The following TENM4 variants were observed in gnomAD, a reference collection of about 807,000 sequenced individuals.
The protein encoded by TENM4 is teneurin-4.
TENM4 carries 82 observed loss-of-function variants against 243.3 expected under a neutral mutation model. The observed-to-expected ratio is 0.34, with a 90% CI of 0.28 to 0.40. The LOEUF (loss-of-function observed/expected upper bound fraction) is 0.40. Ranked by LOEUF, TENM4 falls within the 10% of genes least tolerant of loss-of-function variation. The pLI is 1.00. For synonymous variants in TENM4, 1,412 were observed against 1,456.3 expected (o/e 0.97, Z 0.69); for missense variants, 3,138 against 3,673.3 (o/e 0.85, Z 3.77).
chr11:79,265,136 T>C (rs1855861956), intron 2 of TENM4, among the ~76,000 whole-genome samples: 1 of 152,160 alleles, frequency 6.6e-6, no homozygotes, highest in African/African-American at 2.4e-5. Context: ...AACTGACAGA[T>C]CTCAGTTCCT....
At chr11:78,891,471 G>A (rs1410898204) in intron 7 of TENM4, 135 bp from the exon 8 acceptor site, 2 of 749,924 alleles carry the variant, frequency 2.7e-6, no homozygotes, top group African/African-American at 1.7e-5. Context: ...CAGGCAATGG[G>A]TCAGTGTGCA....
Position 78,805,277 on chromosome 11 carries a change from T to TG in TENM4, c.2179+14_2179+15insC. Reference sequence around the variant, plus strand: ...CCCCTCCCTCTACCCATGCTTCTTCTCCCCCTGCATTTACCGATAGAACAG... The same window carrying TG: ...CCCCTCCCTCTACCCATGCTTCTTCTGCCCCCTGCATTTACCGATAGAACAG... On this transcript the variant is annotated intron_variant, in intron 15 of 33. Coordinates refer to ENST00000278550, the MANE Select transcript of TENM4 (RefSeq NM_001098816.3). The TG allele has an allele frequency of 1.1e-4, 150 of 1,402,066 alleles. No homozygotes were observed. The highest frequency in any genetic ancestry group is 1.3e-4 in the Non-Finnish European group (136 of 1,032,692). The allele number at this position is 1,402,066 out of a possible 1,614,324, so 86.9% of individuals were successfully genotyped here. A position where few individuals can be genotyped will look rare whatever the true frequency, so the allele number is the denominator to read the frequency against.
chr11:78,810,569 C>T (rs1857476795), intron 14 of TENM4, among the ~76,000 whole-genome samples: 1 of 152,150 alleles, frequency 6.6e-6, no homozygotes, highest in Non-Finnish European at 1.5e-5. Context: ...GGCCCAGTTC[C>T]TTTGTTAAAG....
intron 1 of TENM4, among the ~76,000 whole-genome samples, chr11:79,420,568 T>C (rs1858909837): frequency 6.6e-6 from 1 of 152,234 alleles, no homozygotes; most frequent in South Asian, 2.1e-4. Context: ...TATGCCTCTC[T>C]TGGAGATTCG....
At chr11:78,839,086 T>C (rs1858190666) in intron 12 of TENM4, among the ~76,000 whole-genome samples, 1 of 152,244 alleles carries the variant, frequency 6.6e-6, no homozygotes, top group African/African-American at 2.4e-5. Flanking sequence ...ATTTATGATA[T>C]ATTAAGATAT....
chr11:78,856,269 CT>C, intron 10 of TENM4, 91 bp from the exon 11 acceptor site: 1 of 1,091,832 alleles, frequency 9.2e-7, no homozygotes, highest in Non-Finnish European at 1.3e-6. Context: ...CGGGACTCTC[CT>C]TAGCCTCACA....
At chr11:79,410,693 A>C (rs1858680511) in intron 1 of TENM4, among the ~76,000 whole-genome samples, 1 of 152,190 alleles carries the variant, frequency 6.6e-6, no homozygotes, top group Non-Finnish European at 1.5e-5. Context: ...ACCTTTCCTG[A>C]GGCCATCTCA....
chr11:79,219,701 G>A (rs1864121667), intron 2 of TENM4, among the ~76,000 whole-genome samples: 1 of 152,182 alleles, frequency 6.6e-6, no homozygotes, highest in Admixed American at 6.5e-5. Flanking sequence ...GTAACCCTGT[G>A]CATGACACCA....
At chr11:79,019,012 C>T (rs1858853567) in intron 6 of TENM4, among the ~76,000 whole-genome samples, 1 of 152,200 alleles carries the variant, frequency 6.6e-6, no homozygotes, top group South Asian at 2.1e-4. Flanking sequence ...TTCTGGGGGA[C>T]TCCCTATTCC....
At chr11:79,323,378 C>A (rs1333326875) in intron 1 of TENM4, among the ~76,000 whole-genome samples, 1 of 152,186 alleles carries the variant, frequency 6.6e-6, no homozygotes, top group Non-Finnish European at 1.5e-5. Flanking sequence ...GAGGACTGAA[C>A]ACTTGCTCAG....
chr11:79,183,550 G>C (rs1455088444), intron 3 of TENM4, among the ~76,000 whole-genome samples: 1 of 152,188 alleles, frequency 6.6e-6, no homozygotes, highest in Non-Finnish European at 1.5e-5. Flanking sequence ...TATGGACTTT[G>C]GGTGATAATG....
chr11:79,125,357 G>A (rs1435966505), intron 4 of TENM4, among the ~76,000 whole-genome samples: 1 of 152,186 alleles, frequency 6.6e-6, no homozygotes, highest in Non-Finnish European at 1.5e-5. Flanking sequence ...GAAGCAGATA[G>A]TGAGCCTCAA....
chr11:79,129,676 C>A (rs1054720818), intron 4 of TENM4, among the ~76,000 whole-genome samples: 1 of 152,120 alleles, frequency 6.6e-6, no homozygotes, highest in African/African-American at 2.4e-5. Flanking sequence ...CCCAGGTACA[C>A]AACTCCAGTG....
chr11:79,087,512 T>C (rs76399912), intron 4 of TENM4, among the ~76,000 whole-genome samples: 1,649 of 152,324 alleles, frequency 0.011, 30 homozygotes, highest in African/African-American at 0.038. Flanking sequence ...CATGAACTTG[T>C]ACCATCCAGC....
chr11:79,035,302 C>A (rs1412783634), intron 6 of TENM4, among the ~76,000 whole-genome samples: 1 of 152,164 alleles, frequency 6.6e-6, no homozygotes, highest in Non-Finnish European at 1.5e-5. Flanking sequence ...AGAAATAACA[C>A]CCCCTGTATC....
intron 1 of TENM4, among the ~76,000 whole-genome samples, chr11:79,358,885 G>A (rs1404707128): frequency 6.6e-6 from 1 of 151,628 alleles, no homozygotes; most frequent in Non-Finnish European, 1.5e-5. Flanking sequence ...TGATAGTGTA[G>A]TAAAAACGAA....
chr11:78,674,917 G>C (rs1426423472), intron 30 of TENM4, among the ~76,000 whole-genome samples: 1 of 151,898 alleles, frequency 6.6e-6, no homozygotes, highest in Non-Finnish European at 1.5e-5. Flanking sequence ...CCAGGCTGGA[G>C]TGCAGCGGCG....
intron 1 of TENM4, among the ~76,000 whole-genome samples, chr11:79,372,474 G>A (rs1857807105): frequency 1.3e-5 from 2 of 152,198 alleles, no homozygotes; most frequent in South Asian, 4.1e-4. Flanking sequence ...CAAGGATGTG[G>A]GGTAGGGAGA....
intron 9 of TENM4, among the ~76,000 whole-genome samples, chr11:78,865,944 C>T (rs140123018): frequency 6.6e-6 from 1 of 152,314 alleles, no homozygotes; most frequent in African/African-American, 2.4e-5. Flanking sequence ...GCAAACTGTA[C>T]ACATGTGTGA....
Sources: gnomAD v4.1 joint callset for allele counts (sites outside exome capture counted in the v4.1 genomes callset) on GRCh38, gnomAD v4.1.1 for gene constraint, MANE v1.5 for transcripts, NCBI Gene and HGNC (gene_info 2026-07-23, HGNC 2026-07-21) for gene names.